Variants in EXOC1 observed in about 807,000 individuals in gnomAD.
The protein encoded by EXOC1 is SEC3-like 1.
EXOC1 carries 67 observed loss-of-function variants against 107.7 expected under a neutral mutation model. That is an observed-to-expected ratio of 0.62 (90% CI 0.51 to 0.76). EXOC1 has a LOEUF of 0.76. Among genes scored for constraint, EXOC1 ranks in the 30% least tolerant of loss-of-function variants. The probability of loss-of-function intolerance (pLI) is 0.00; values close to 1 mark genes in which losing one functional copy is unlikely to be tolerated. For synonymous variants in EXOC1, 348 were observed against 353.5 expected, an observed-to-expected ratio of 0.98 and a Z score of 0.17; for missense variants, 833 against 1,055.7, an observed-to-expected ratio of 0.79 and a Z score of 2.92.
Position 55,865,826 on chromosome 4 carries a change from T to TA in EXOC1, c.415+1451dup, listed in dbSNP as rs879347527. ...GTTTTTGAAAATGAAGTGTCTAACT[T>TA]AAAAAAAAAAAGGCATTCAATTTTT... On this transcript the variant is annotated intron_variant, in intron 4 of 18. Transcript: ENST00000381295. Among the ~76,000 whole-genome samples, 1,431 of 144,200 alleles carry TA rather than the reference T, an allele frequency of 9.9e-3. 16 individuals carry two copies. Among genetic ancestry groups the TA allele is most frequent in the African/African-American group, 0.027 (1,067 of 39,426 alleles). 94.6% of individuals were successfully genotyped at this position (144,200 alleles called of 152,430 possible).
intron 7 of EXOC1, 63 bp from the exon 8 acceptor site, chr4:55,871,786 C>A: frequency 1.4e-6 from 2 of 1,437,920 alleles, no homozygotes; most frequent in Non-Finnish European, 1.9e-6. Flanking sequence ...TTTAATGTTC[C>A]ATTAAACATC....
intron 9 of EXOC1, among the ~76,000 whole-genome samples, chr4:55,882,576 A>G (rs1246559651): frequency 2.0e-5 from 3 of 152,252 alleles, no homozygotes; most frequent in Non-Finnish European, 4.4e-5. Context: ...CTGTTCTTAC[A>G]TTAGATACAG....
intron 14 of EXOC1, among the ~76,000 whole-genome samples, chr4:55,893,177 G>A (rs1034709800): frequency 2.0e-5 from 3 of 152,058 alleles, no homozygotes; most frequent in South Asian, 2.1e-4. Context: ...ATGCAATGGC[G>A]CCATCTCAGC....
chr4:55,869,416 CTAGAG>C (rs1289524847), intron 5 of EXOC1, among the ~76,000 whole-genome samples: 7 of 151,968 alleles, frequency 4.6e-5, no homozygotes, highest in African/African-American at 1.7e-4. Context: ...ATCTCTTATG[CTAGAG>C]TAATCTAAAA....
chr4:55,876,324 G>A (rs937244195), intron 8 of EXOC1: 29 of 983,810 alleles, frequency 2.9e-5, no homozygotes, highest in African/African-American at 2.8e-4. Context: ...TCTACGCTCC[G>A]TTATCCAGAA....
intron 3 of EXOC1, among the ~76,000 whole-genome samples, chr4:55,861,913 G>A (rs999771568): frequency 3.9e-5 from 6 of 152,330 alleles, no homozygotes; most frequent in Admixed American, 1.3e-4. Context: ...AATTAGCTGG[G>A]CGTGGCGGCA....
In EXOC1 at chr4:55,901,601, G is replaced by A. The variant is rs535592288; in HGVS notation, c.2338-743G>A. 2.0e-5 allele frequency among the ~76,000 whole-genome samples: 3 copies of A among 152,126 alleles called. No homozygotes were observed. In the East Asian group the frequency reaches 5.8e-4, roughly 29 times the overall value. On this transcript the variant is annotated intron_variant, in intron 17 of 18. Transcript: ENST00000381295. The stretch of plus-strand genomic sequence containing the variant: ...CCCCAATTTATAAATGGGGCAAGGG[G>A]CTGAATCACTACTAAACATATAAAA...
At chr4:55,898,387 A>G (rs1725492529) in intron 16 of EXOC1, among the ~76,000 whole-genome samples, 1 of 152,344 alleles carries the variant, frequency 6.6e-6, no homozygotes, top group African/African-American at 2.4e-5. Context: ...TCAGGCCTAA[A>G]GGTTACATGA....
intron 16 of EXOC1, among the ~76,000 whole-genome samples, chr4:55,897,175 G>A (rs1162148095): frequency 1.3e-5 from 2 of 150,846 alleles, no homozygotes; most frequent in Non-Finnish European, 2.9e-5. Flanking sequence ...CGCCCAGGCT[G>A]GAGTGCGGTG....
intron 5 of EXOC1, among the ~76,000 whole-genome samples, chr4:55,869,666 G>A (rs749781): frequency 0.21 from 32,038 of 152,066 alleles, 3,724 homozygotes; most frequent in Non-Finnish European, 0.25. Context: ...GAAATCCTGG[G>A]CAGATTCAAA....
At chr4:55,868,707 G>A (rs547357534) in intron 5 of EXOC1, 184 bp downstream of exon 5, 67 of 471,246 alleles carry the variant, frequency 1.4e-4, no homozygotes, top group Middle Eastern at 5.6e-4. Context: ...AACTATTCCT[G>A]TTAAGCCAAT....
intron 1 of EXOC1, among the ~76,000 whole-genome samples, chr4:55,857,444 A>G (rs1158909077): frequency 6.6e-6 from 1 of 151,820 alleles, no homozygotes; most frequent in African/African-American, 2.4e-5. Flanking sequence ...CTGGGATTAC[A>G]AGCGTGAGCC....
At chr4:55,872,375 A>G (rs1722522629) in intron 8 of EXOC1, among the ~76,000 whole-genome samples, 1 of 123,426 alleles carries the variant, frequency 8.1e-6, no homozygotes, top group South Asian at 2.5e-4. Context: ...AGTACATAGT[A>G]TAATTGTTAA....
chr4:55,875,699 CT>C, intron 8 of EXOC1: 1 of 985,186 alleles, frequency 1.0e-6, no homozygotes, highest in Non-Finnish European at 1.2e-6. Context: ...CTAATAAAAA[CT>C]ATTTGGTAAA....
chr4:55,893,880 A>G (rs1724869510), intron 15 of EXOC1, 100 bp downstream of exon 15: 1 of 976,470 alleles, frequency 1.0e-6, no homozygotes, highest in African/African-American at 1.6e-5. Context: ...TCTGTTGGGG[A>G]ATCTGTTGTT....
At chr4:55,886,543 A>T (rs547222657) in intron 10 of EXOC1, among the ~76,000 whole-genome samples, 30 of 150,028 alleles carry the variant, frequency 2.0e-4, no homozygotes, top group African/African-American at 5.6e-4. Flanking sequence ...ACAGAGCAAG[A>T]CCCTGTCTCA....
chr4:55,888,600 TAA>T (rs1305457418), intron 10 of EXOC1, among the ~76,000 whole-genome samples: 2 of 142,888 alleles, frequency 1.4e-5, no homozygotes, highest in African/African-American at 5.1e-5. Flanking sequence ...TTAATAAACT[TAA>T]AAAAAAAAAA....
intron 8 of EXOC1, chr4:55,876,198 A>C (rs1032480037): frequency 8.6e-5 from 85 of 985,264 alleles, no homozygotes; most frequent in Admixed American, 2.5e-4. Flanking sequence ...AGGCATTCTA[A>C]AAATACAGAA....
Position 55,899,629 on chromosome 4 carries a change from A to G in EXOC1, c.2138-56A>G, listed in dbSNP as rs867209988. On this transcript the variant is annotated intron_variant, in intron 16 of 18. Transcript: ENST00000381295. The stretch of plus-strand genomic sequence containing the variant: ...AAAAATTAATAGTATAAATGTTTAT[A>G]GCTAAATATGGTCATACTCAGAGAT... The G allele has an allele frequency of 1.4e-5, 21 of 1,459,902 alleles. No homozygotes were observed. The African/African-American group carries it at 2.7e-4, about 19-fold the overall frequency. 90.4% of individuals were successfully genotyped at this position (1,459,902 alleles called of 1,614,324 possible). A position where few individuals can be genotyped will look rare whatever the true frequency, so the allele number is the denominator to read the frequency against.
Sources: allele counts gnomAD v4.1 joint callset (sites outside exome capture counted in the v4.1 genomes callset), GRCh38; gene constraint gnomAD v4.1.1; transcripts MANE v1.5; gene names NCBI Gene and HGNC (gene_info 2026-07-23, HGNC 2026-07-21).